The following KCNK12 variants were observed in gnomAD, a reference collection of about 807,000 sequenced individuals.
KCNK12 encodes the protein potassium two pore domain channel subfamily K member 12.
A neutral mutation model predicts 25.3 loss-of-function variants in KCNK12; 6 were observed. The observed-to-expected ratio is 0.24, with a 90% CI of 0.13 to 0.47. The LOEUF is 0.47. Among genes scored for constraint, KCNK12 ranks in the 20% least tolerant of loss-of-function variants. KCNK12 has a pLI of 0.99. For synonymous variants in KCNK12, 331 were observed against 311.1 expected (o/e 1.06, Z -0.67); for missense variants, 444 against 661.7 (o/e 0.67, Z 3.61).
intron 1 of KCNK12, among the ~76,000 whole-genome samples, chr2:47,568,060 G>T (rs1200181850): frequency 6.6e-6 from 1 of 152,156 alleles, no homozygotes; most frequent in East Asian, 1.9e-4. Flanking sequence ...TATTTGGATG[G>T]ACTCATGGCC....
At chr2:47,549,231 A>G (rs1197493885) in intron 1 of KCNK12, among the ~76,000 whole-genome samples, 1 of 152,246 alleles carries the variant, frequency 6.6e-6, no homozygotes, top group Non-Finnish European at 1.5e-5. Context: ...GTTATTCTTT[A>G]ATAGTGTGGC....
rs961835210 is a variant in KCNK12, at chr2:47,533,919, C to T, written c.392-12111G>A. On this transcript the variant is annotated intron_variant, in intron 1 of 1. Coordinates refer to ENST00000327876, the MANE Select transcript of KCNK12 (RefSeq NM_022055.2). The surrounding 1 kb of genome is among the most constrained non-coding windows in gnomAD (Gnocchi z 4.7). ...CTCTTGCATTGGGTGCGCAGTGATC[C>T]GGACAGAGAGGCTCCAGTCAGCCAG... is the stretch of plus-strand genomic sequence containing the variant. Among the ~76,000 whole-genome samples the T allele has an allele frequency of 1.3e-5, 2 of 151,956 alleles. No individual in the cohort carries two copies. The highest frequency in any genetic ancestry group is 4.8e-5 in the African/African-American group (2 of 41,336).
intron 1 of KCNK12, among the ~76,000 whole-genome samples, chr2:47,532,388 A>C (rs1176605907): frequency 1.3e-5 from 2 of 151,632 alleles, no homozygotes; most frequent in African/African-American, 2.4e-5. Context: ...TTGAGACAGG[A>C]TCTTGCTCTG....
At position 47,515,012 on chromosome 2, in the gene KCNK12, G is replaced by A. The variant is rs1430606468; in HGVS notation, c.*5895C>T. 1.3e-5 allele frequency among the ~76,000 whole-genome samples: 2 copies of A among 152,162 alleles called. No individual in the cohort carries two copies. Among genetic ancestry groups the A allele is most frequent in the Non-Finnish European group, 2.9e-5 (2 of 68,026 alleles). On this transcript the variant is annotated 3_prime_UTR_variant, in exon 2 of 2. Coordinates refer to ENST00000327876, the MANE Select transcript of KCNK12 (RefSeq NM_022055.2). ...CAGTCCATCCAGGGATCACTGGAGTGTCATATGAAATGTTATAGGAATCAC... is the reference window on the plus strand; with the variant it reads ...CAGTCCATCCAGGGATCACTGGAGTATCATATGAAATGTTATAGGAATCAC...
chr2:47,531,033 C>A (rs1262083672), intron 1 of KCNK12, among the ~76,000 whole-genome samples: 4 of 152,194 alleles, frequency 2.6e-5, no homozygotes, highest in Admixed American at 2.6e-4. Flanking sequence ...ATTCTGGCTG[C>A]ACAATAGAAT....
intron 1 of KCNK12, among the ~76,000 whole-genome samples, chr2:47,541,526 C>T (rs1000888773): frequency 2.6e-5 from 4 of 152,192 alleles, no homozygotes; most frequent in East Asian, 3.9e-4. Context: ...ACCTCCTGGG[C>T]CCCTGTTCTG....
rs1669636788 is a variant in KCNK12, at chr2:47,560,303, G to T, written c.391+9638C>A. Among the ~76,000 whole-genome samples, 1 of 152,226 alleles carries T rather than the reference G, an allele frequency of 6.6e-6. No individual in the cohort carries two copies. Among genetic ancestry groups the T allele is most frequent in the African/African-American group, 2.4e-5 (1 of 41,462 alleles). On this transcript the variant is annotated intron_variant, in intron 1 of 1. Transcript: ENST00000327876. This position sits in a 1 kb window ranked among gnomAD's most constrained non-coding sequence, Gnocchi z 4.7. Reference sequence around the variant, plus strand: ...GCACGTGCTCTACCCTCTCCGATCTGGTTGGCAGCCTCCTTCACAGAGAGG... The same window carrying T: ...GCACGTGCTCTACCCTCTCCGATCTTGTTGGCAGCCTCCTTCACAGAGAGG...
At position 47,513,701 on chromosome 2, in the gene KCNK12, G is replaced by T. The variant is rs1039955316; in HGVS notation, c.*7206C>A. Among the ~76,000 whole-genome samples, 1 of 152,074 alleles carries T rather than the reference G, an allele frequency of 6.6e-6. No homozygotes were observed. Among genetic ancestry groups the T allele is most frequent in the Non-Finnish European group, 1.5e-5 (1 of 67,988 alleles). ...CTTCATTGAACTCATCACCTCTTCT[G>T]TTCCTCCTCCTGGGTTCCCAGGCTC... On this transcript the variant is annotated 3_prime_UTR_variant, in exon 2 of 2. Coordinates refer to ENST00000327876, the MANE Select transcript of KCNK12 (RefSeq NM_022055.2).
chr2:47,541,538 A>C (rs1266769776), intron 1 of KCNK12, among the ~76,000 whole-genome samples: 1 of 152,176 alleles, frequency 6.6e-6, no homozygotes, highest in African/African-American at 2.4e-5. Flanking sequence ...CCTGTTCTGC[A>C]CTGAACTGTA....
At chr2:47,530,265 G>A (rs751590287) in intron 1 of KCNK12, among the ~76,000 whole-genome samples, 4 of 152,134 alleles carry the variant, frequency 2.6e-5, no homozygotes, top group African/African-American at 9.7e-5. Context: ...CTGCGACATC[G>A]CCTCTCTGGG....
In KCNK12 at chr2:47,536,902, G is replaced by A. The variant is rs1449383028; in HGVS notation, c.392-15094C>T. On this transcript the variant is annotated intron_variant, in intron 1 of 1. Coordinates refer to ENST00000327876, the MANE Select transcript of KCNK12 (RefSeq NM_022055.2). The stretch of plus-strand genomic sequence containing the variant: ...TGTGATTGGCCAAGAAGCAGCAGTT[G>A]CTCATACTAACCAGATGAGGGATGT... 3.3e-5 allele frequency among the ~76,000 whole-genome samples: 5 copies of A among 152,232 alleles called. No homozygotes were observed. The South Asian group carries it at 6.2e-4, about 19-fold the overall frequency.
In KCNK12 at chr2:47,549,021, A is replaced by C. The variant is rs560438361; in HGVS notation, c.391+20920T>G. On this transcript the variant is annotated intron_variant, in intron 1 of 1. Coordinates refer to ENST00000327876, the MANE Select transcript of KCNK12 (RefSeq NM_022055.2). ...TGTTACTCGCAAAGGTCTGAATAACAATCTGTGCAGGTACAGGGTAAAACC... is the reference window on the plus strand; with the variant it reads ...TGTTACTCGCAAAGGTCTGAATAACCATCTGTGCAGGTACAGGGTAAAACC... Among the ~76,000 whole-genome samples the C allele has an allele frequency of 3.9e-5, 6 of 152,226 alleles. No individual in the cohort carries two copies. The South Asian group carries it at 1.2e-3, about 32-fold the overall frequency.
rs1346767375 is a variant in KCNK12 at position 47,569,694 on chromosome 2, G to C, written c.391+247C>G. Reference sequence around the variant, plus strand: ...TCACAAAGGTCAGATCACAGAGCCGGCCAGTGTTGGAGCACAGGCGGCCCG... The same window carrying C: ...TCACAAAGGTCAGATCACAGAGCCGCCCAGTGTTGGAGCACAGGCGGCCCG... On this transcript the variant is annotated intron_variant, in intron 1 of 1. Transcript: ENST00000327876. This position sits in a 1 kb window ranked among gnomAD's most constrained non-coding sequence, Gnocchi z 4.1. Among the ~76,000 whole-genome samples, 1 of 152,188 alleles carries C rather than the reference G, an allele frequency of 6.6e-6. No homozygotes were observed. Among genetic ancestry groups the C allele is most frequent in the Non-Finnish European group, 1.5e-5 (1 of 68,036 alleles).
Position 47,560,395 on chromosome 2 carries a change from G to A in KCNK12, c.391+9546C>T, listed in dbSNP as rs2104881152. Among the ~76,000 whole-genome samples the A allele has an allele frequency of 6.6e-6, 1 of 152,322 alleles. No individual in the cohort carries two copies. Among genetic ancestry groups the A allele is most frequent in the Non-Finnish European group, 1.5e-5 (1 of 68,022 alleles). ...AGTGTAGCCACTGACACTGCCAGAA[G>A]CACAGCACAGCCAAATCCCAGAGTC... On this transcript the variant is annotated intron_variant, in intron 1 of 1. Coordinates refer to ENST00000327876, the MANE Select transcript of KCNK12 (RefSeq NM_022055.2). This position sits in a 1 kb window ranked among gnomAD's most constrained non-coding sequence, Gnocchi z 4.7.
chr2:47,546,991 A>T (rs972007107), intron 1 of KCNK12, among the ~76,000 whole-genome samples: 2 of 152,138 alleles, frequency 1.3e-5, no homozygotes, highest in African/African-American at 4.8e-5. Context: ...GGCCATATAG[A>T]TAATGGGTAG....
In KCNK12 at chr2:47,565,430, G is replaced by A. The variant is rs1006214124; in HGVS notation, c.391+4511C>T. On this transcript the variant is annotated intron_variant, in intron 1 of 1. Transcript: ENST00000327876. This position sits in a 1 kb window ranked among gnomAD's most constrained non-coding sequence, Gnocchi z 5.0. ...TAATCTCGTGGCTGAATAATTAAGT[G>A]TGCCTAATTCTGAAAGTAGCAAGCT... is the stretch of plus-strand genomic sequence containing the variant. 1 of 152,202 alleles carries A rather than the reference G, an allele frequency of 6.6e-6. No homozygotes were observed. The highest frequency in any genetic ancestry group is 1.5e-5 in the Non-Finnish European group (1 of 68,034). 9.4% of individuals were successfully genotyped at this position (152,202 alleles called of 1,614,324 possible). A position where few individuals can be genotyped will look rare whatever the true frequency, so the allele number is the denominator to read the frequency against.
rs1668557034 is a variant in KCNK12, at chr2:47,517,630, A to C, written c.*3277T>G. ...TATGCATGATGCTGTGCAAATGCCC[A>C]GGGCTGTCTGGCATTTTCCACAAAA... On this transcript the variant is annotated 3_prime_UTR_variant, in exon 2 of 2. Coordinates refer to ENST00000327876, the MANE Select transcript of KCNK12 (RefSeq NM_022055.2). The surrounding 1 kb of genome is among the most constrained non-coding windows in gnomAD (Gnocchi z 4.1). The C allele has an allele frequency of 6.6e-6, 1 of 152,098 alleles. No individual in the cohort carries two copies. The highest frequency in any genetic ancestry group is 2.4e-5 in the African/African-American group (1 of 41,418). 9.4% of individuals were successfully genotyped at this position (152,098 alleles called of 1,614,324 possible).
rs1572601206 is a variant in KCNK12 at position 47,548,733 on chromosome 2, T to C, written c.391+21208A>G. ...ACATTGGAAAAAAGGTAGTTCAGGA[T>C]TATGGTCCCTGAGAGAAGGGAAACA... On this transcript the variant is annotated intron_variant, in intron 1 of 1. Transcript: ENST00000327876. This position sits in a 1 kb window ranked among gnomAD's most constrained non-coding sequence, Gnocchi z 4.4. Among the ~76,000 whole-genome samples the C allele has an allele frequency of 6.6e-6, 1 of 152,178 alleles. No individual in the cohort carries two copies. The highest frequency in any genetic ancestry group is 1.9e-4 in the East Asian group (1 of 5,188).
At position 47,516,614 on chromosome 2, in the gene KCNK12, C is replaced by T. The variant is rs553967536; in HGVS notation, c.*4293G>A. 1 of 152,248 alleles carries T rather than the reference C, an allele frequency of 6.6e-6. No homozygotes were observed. Among genetic ancestry groups the T allele is most frequent in the Non-Finnish European group, 1.5e-5 (1 of 68,068 alleles). 9.4% of individuals were successfully genotyped at this position (152,248 alleles called of 1,614,324 possible). A position where few individuals can be genotyped will look rare whatever the true frequency, so the allele number is the denominator to read the frequency against. Reference sequence around the variant, plus strand: ...GCATTTTATTCATCGTTAATTTAAACACCCTTCAAGTCCTCTCTTGGAATG... The same window carrying T: ...GCATTTTATTCATCGTTAATTTAAATACCCTTCAAGTCCTCTCTTGGAATG... On this transcript the variant is annotated 3_prime_UTR_variant, in exon 2 of 2. Coordinates refer to ENST00000327876, the MANE Select transcript of KCNK12 (RefSeq NM_022055.2).
Sources: allele counts gnomAD v4.1 joint callset (sites outside exome capture counted in the v4.1 genomes callset), GRCh38; gene constraint gnomAD v4.1.1; non-coding constraint Gnocchi (gnomAD v3.1); transcripts MANE v1.5; gene names NCBI Gene and HGNC (gene_info 2026-07-23, HGNC 2026-07-21).